NUP155: variants seen among roughly 807,000 people sequenced by gnomAD.
NUP155 encodes nucleoporin 155.
NUP155 carries 71 observed loss-of-function variants against 180.4 expected under a neutral mutation model. The observed-to-expected ratio is 0.39, with a 90% CI of 0.33 to 0.48. The LOEUF (loss-of-function observed/expected upper bound fraction) is 0.48. Ranked by LOEUF, NUP155 falls within the 20% of genes least tolerant of loss-of-function variation. The probability of loss-of-function intolerance (pLI) is 0.91; values close to 1 mark genes in which losing one functional copy is unlikely to be tolerated. For synonymous variants in NUP155, 582 were observed against 559.5 expected (o/e 1.04, Z -0.57); for missense variants, 1,553 against 1,648.9 (o/e 0.94, Z 1.01).
intron 1 of NUP155, among the ~76,000 whole-genome samples, chr5:37,367,214 T>A (rs930872541): frequency 6.6e-5 from 10 of 151,908 alleles, no homozygotes; most frequent in Non-Finnish European, 1.0e-4. Flanking sequence ...CTAGCTAATT[T>A]TTTTTTTGTT....
rs1378920956 is a variant in NUP155, at chr5:37,344,854, A to G, written c.996-2208T>C. Among the ~76,000 whole-genome samples the G allele has an allele frequency of 2.3e-4, 34 of 149,924 alleles. No homozygotes were observed. The Admixed American group carries it at 2.3e-3, about 10-fold the overall frequency. Reference sequence around the variant, plus strand: ...GCCACTGCATTCCAGCCTGGGTGACAGAGCAAGACTCCATCTCAAAAAAAA... The same window carrying G: ...GCCACTGCATTCCAGCCTGGGTGACGGAGCAAGACTCCATCTCAAAAAAAA... On this transcript the variant is annotated intron_variant, in intron 9 of 34. Coordinates refer to ENST00000231498, the MANE Select transcript of NUP155 (RefSeq NM_153485.3).
intron 12 of NUP155, among the ~76,000 whole-genome samples, chr5:37,337,177 C>T (rs933202733): frequency 3.9e-5 from 6 of 152,188 alleles, no homozygotes; most frequent in Admixed American, 6.5e-5. Context: ...ATAGCAGCCT[C>T]GGTCCTCACC....
intron 32 of NUP155, among the ~76,000 whole-genome samples, chr5:37,298,424 C>T (rs1240448435): frequency 6.6e-6 from 1 of 151,994 alleles, no homozygotes; most frequent in African/African-American, 2.4e-5. Context: ...AAATTATAGC[C>T]ACCATATCTC....
intron 23 of NUP155, among the ~76,000 whole-genome samples, 176 bp downstream of exon 23, chr5:37,310,376 T>A (rs1022452257): frequency 1.3e-5 from 2 of 151,330 alleles, no homozygotes; most frequent in African/African-American, 4.9e-5. Flanking sequence ...CTTAAAAGAG[T>A]ATACACTGGT....
chr5:37,324,630 T>C (rs1469663964), intron 19 of NUP155, among the ~76,000 whole-genome samples: 1 of 152,146 alleles, frequency 6.6e-6, no homozygotes, highest in Non-Finnish European at 1.5e-5. Flanking sequence ...CATATCTTAC[T>C]GCAGCCTTGA....
rs1206924333 is a variant in NUP155, at chr5:37,290,390, T to C, written c.*1510A>G. ...TACTCGAGAGGCTGAGGCAGGCAAATTGCTTCAAACCTGTGAGGCAGAGGT... is the reference window on the plus strand; with the variant it reads ...TACTCGAGAGGCTGAGGCAGGCAAACTGCTTCAAACCTGTGAGGCAGAGGT... On this transcript the variant is annotated 3_prime_UTR_variant, in exon 35 of 35. Transcript: ENST00000231498. 1 of 151,782 alleles carries C rather than the reference T, an allele frequency of 6.6e-6. No individual in the cohort carries two copies. The highest frequency in any genetic ancestry group is 1.5e-5 in the Non-Finnish European group (1 of 67,996). The allele number at this position is 151,782 out of a possible 1,614,324, so 9.4% of individuals were successfully genotyped here.
chr5:37,347,496 G>A (rs1746171505), intron 9 of NUP155, among the ~76,000 whole-genome samples: 1 of 150,086 alleles, frequency 6.7e-6, no homozygotes, highest in African/African-American at 2.5e-5. Context: ...GGGAGTTCGA[G>A]ACCAGCCTGA....
At chr5:37,332,313 CTTT>C (rs1021002313) in intron 13 of NUP155, among the ~76,000 whole-genome samples, 113 of 87,700 alleles carry the variant, frequency 1.3e-3, no homozygotes, top group African/African-American at 6.2e-3. Flanking sequence ...GCCATTACAG[CTTT>C]TTTTTTTTTT....
intron 20 of NUP155, 115 bp from the exon 21 acceptor site, chr5:37,318,200 G>A (rs1744025964): frequency 1.3e-6 from 1 of 741,566 alleles, no homozygotes; most frequent in Non-Finnish European, 2.4e-6. Flanking sequence ...TCAGAAGGTT[G>A]GGCAACCAAC....
chr5:37,331,616 TTACA>T (rs1744965793), intron 14 of NUP155, 65 bp downstream of exon 14: 1 of 817,464 alleles, frequency 1.2e-6, no homozygotes, highest in African/African-American at 1.7e-5. Flanking sequence ...CAGTCCCAAT[TTACA>T]TAAACTATGA....
At chr5:37,355,602 G>A (rs1038052051) in intron 4 of NUP155, among the ~76,000 whole-genome samples, 8 of 143,274 alleles carry the variant, frequency 5.6e-5, no homozygotes, top group African/African-American at 1.4e-4. Context: ...TTTCAGAGGC[G>A]ATGTCTCACT....
At chr5:37,327,215 A>G (rs914844075) in intron 18 of NUP155, 15 of 272,290 alleles carry the variant, frequency 5.5e-5, no homozygotes, top group African/African-American at 3.2e-4. Context: ...CACCATGCAA[A>G]AGTTAAAAAA....
chr5:37,332,489 AT>A (rs1335026317), intron 13 of NUP155, among the ~76,000 whole-genome samples: 1 of 151,560 alleles, frequency 6.6e-6, no homozygotes, highest in Non-Finnish European at 1.5e-5. Context: ...GCCCGGCTAA[AT>A]TTTTTTATAT....
chr5:37,310,197 G>A (rs868216870), intron 23 of NUP155, among the ~76,000 whole-genome samples: 1 of 152,036 alleles, frequency 6.6e-6, no homozygotes, highest in Non-Finnish European at 1.5e-5. Context: ...AATTGGCTGG[G>A]TGTAGTGGTG....
intron 32 of NUP155, among the ~76,000 whole-genome samples, chr5:37,295,865 G>T (rs541688027): frequency 6.7e-6 from 1 of 149,908 alleles, no homozygotes; most frequent in Non-Finnish European, 1.5e-5. Context: ...CACCCCGTCC[G>T]GGAGGGAGGT....
rs1233996329 is a variant in NUP155, at chr5:37,314,269, A to G, written c.2365T>C (p.Tyr789His). ...QAIQQLVRKS[Y>H]QALALWKLLC... ...AGTTTCCATAAAGCCAGAGCCTGAT[A>G]TGATTTTCGAACCAACTGCTGAATT... is the stretch of plus-strand genomic sequence containing the variant. Residue 789 changes from tyrosine (Y) to histidine (H), a missense_variant, in exon 22 of 35, where the codon TAT (tyrosine) becomes CAT (histidine). Transcript: ENST00000231498. 9 of 1,610,294 alleles carry G rather than the reference A, an allele frequency of 5.6e-6. No individual in the cohort carries two copies. Among genetic ancestry groups the G allele is most frequent in the Non-Finnish European group, 5.1e-6 (6 of 1,176,720 alleles).
intron 11 of NUP155, among the ~76,000 whole-genome samples, chr5:37,340,052 C>A (rs1395989770): frequency 6.6e-6 from 1 of 152,202 alleles, no homozygotes; most frequent in Admixed American, 6.5e-5. Flanking sequence ...AGCCACTGCA[C>A]CCGGCCCCAC....
intron 20 of NUP155, among the ~76,000 whole-genome samples, chr5:37,321,759 C>G (rs1305215182): frequency 6.6e-6 from 1 of 152,190 alleles, no homozygotes; most frequent in African/African-American, 2.4e-5. Context: ...TACACACACA[C>G]ACACAAAGTA....
intron 3 of NUP155, among the ~76,000 whole-genome samples, chr5:37,362,291 GT>G (rs200662333): frequency 1.1e-3 from 152 of 143,664 alleles, no homozygotes; most frequent in Admixed American, 3.2e-3. Flanking sequence ...TTTCATTAGT[GT>G]TTTTTTTTTT....
Sources: gnomAD v4.1 joint callset for allele counts (sites outside exome capture counted in the v4.1 genomes callset) on GRCh38, gnomAD v4.1.1 for gene constraint, MANE v1.5 for transcripts, NCBI Gene and HGNC (gene_info 2026-07-23, HGNC 2026-07-21) for gene names.